The following CELF4 variants were observed in gnomAD, a reference collection of about 807,000 sequenced individuals.
The protein encoded by CELF4 is CUGBP Elav-like family member 4.
Under a neutral mutation model 59.9 loss-of-function variants are expected in CELF4, and 18 were observed. The ratio of observed to expected loss-of-function variants is 0.30; its 90% CI spans 0.21 to 0.45. CELF4 has a LOEUF of 0.45. Ranked by LOEUF, CELF4 falls within the 20% of genes least tolerant of loss-of-function variation. The pLI is 1.00. For synonymous variants in CELF4, 261 were observed against 267.1 expected (o/e 0.98, Z 0.22); for missense variants, 456 against 689.0 (o/e 0.66, Z 3.79).
chr18:37,433,602 C>A (rs532354410), intron 2 of CELF4, among the ~76,000 whole-genome samples: 1 of 152,152 alleles, frequency 6.6e-6, no homozygotes, highest in Admixed American at 6.5e-5. Flanking sequence ...AGTGCCAGGT[C>A]GGGGCCACGA....
intron 2 of CELF4, among the ~76,000 whole-genome samples, chr18:37,412,676 A>G (rs2099482873): frequency 6.6e-6 from 1 of 152,116 alleles, no homozygotes; most frequent in African/African-American, 2.4e-5. Flanking sequence ...AGATGAGTGC[A>G]TGTGTGTATG....
intron 1 of CELF4, among the ~76,000 whole-genome samples, chr18:37,516,698 A>G (rs1422789741): frequency 6.6e-6 from 1 of 152,186 alleles, no homozygotes; most frequent in Non-Finnish European, 1.5e-5. Flanking sequence ...CAGAAAGCCA[A>G]TTCAGAACCC....
chr18:37,439,350 C>G (rs922664274), intron 2 of CELF4, among the ~76,000 whole-genome samples: 1 of 152,114 alleles, frequency 6.6e-6, no homozygotes, highest in African/African-American at 2.4e-5. Flanking sequence ...ATTGAAAGTA[C>G]AACCAAATTA....
intron 2 of CELF4, among the ~76,000 whole-genome samples, chr18:37,441,333 C>T (rs1461981036): frequency 6.7e-6 from 1 of 148,510 alleles, no homozygotes; most frequent in African/African-American, 2.5e-5. Context: ...GAGATGGGAA[C>T]TGGGGAGCAG....
intron 2 of CELF4, among the ~76,000 whole-genome samples, chr18:37,407,957 T>A (rs186237248): frequency 6.6e-6 from 1 of 152,206 alleles, no homozygotes; most frequent in Admixed American, 6.5e-5. Flanking sequence ...TTTACATTGA[T>A]TTTGGGAAAA....
intron 2 of CELF4, among the ~76,000 whole-genome samples, chr18:37,328,120 T>A (rs1162602993): frequency 6.6e-6 from 1 of 152,150 alleles, no homozygotes; most frequent in Non-Finnish European, 1.5e-5. Flanking sequence ...CCCCTACTCA[T>A]GGATCCCCAG....
intron 1 of CELF4, among the ~76,000 whole-genome samples, chr18:37,496,865 A>G (rs919552765): frequency 2.0e-4 from 31 of 152,212 alleles, no homozygotes; most frequent in African/African-American, 7.5e-4. Flanking sequence ...AGGAGTTAGC[A>G]ACTGTGACTG....
chr18:37,497,666 A>C (rs2099926756), intron 1 of CELF4, among the ~76,000 whole-genome samples: 2 of 151,626 alleles, frequency 1.3e-5, no homozygotes, highest in South Asian at 4.2e-4. Context: ...AAAAAAAAAA[A>C]GAAAAAAGAA....
intron 3 of CELF4, among the ~76,000 whole-genome samples, chr18:37,278,516 G>A (rs1255308414): frequency 1.3e-5 from 2 of 152,124 alleles, no homozygotes; most frequent in East Asian, 1.9e-4. Context: ...TCCCCCTCCC[G>A]CTCCCCTGCT....
At chr18:37,481,692 A>T (rs1184557900) in intron 2 of CELF4, among the ~76,000 whole-genome samples, 1 of 152,186 alleles carries the variant, frequency 6.6e-6, no homozygotes, top group Non-Finnish European at 1.5e-5. Flanking sequence ...TTCTCGGACC[A>T]GTGCTCCCAT....
chr18:37,410,131 A>G (rs1557416765), intron 2 of CELF4, among the ~76,000 whole-genome samples: 1 of 152,094 alleles, frequency 6.6e-6, no homozygotes, highest in Non-Finnish European at 1.5e-5. Flanking sequence ...GCATGACAGG[A>G]AAAGGACAGA....
chr18:37,356,009 ACAGCC>A (rs930869240), intron 2 of CELF4, among the ~76,000 whole-genome samples: 1 of 152,152 alleles, frequency 6.6e-6, no homozygotes, highest in Non-Finnish European at 1.5e-5. Flanking sequence ...TCAGCCCAGC[ACAGCC>A]CAGCCCAGCC....
At chr18:37,496,244 A>G (rs535992472) in intron 1 of CELF4, among the ~76,000 whole-genome samples, 2 of 152,256 alleles carry the variant, frequency 1.3e-5, no homozygotes, top group East Asian at 1.9e-4. Context: ...TGCTGTTCTC[A>G]TCTGTGAGAA....
rs537594794 is a variant in CELF4, at chr18:37,319,051, G to T, written c.448+2752C>A. Among the ~76,000 whole-genome samples the T allele has an allele frequency of 2.0e-5, 3 of 152,188 alleles. No homozygotes were observed. The South Asian group carries it at 6.2e-4, about 32-fold the overall frequency. ...CCCCCGCCTGGGGGATCTCCTCTCC[G>T]GAACTGCTGCTGGCACCTACTATCC... On this transcript the variant is annotated intron_variant, in intron 3 of 12. Transcript: ENST00000420428.
At chr18:37,455,153 C>T (rs1034794530) in intron 2 of CELF4, among the ~76,000 whole-genome samples, 4 of 152,224 alleles carry the variant, frequency 2.6e-5, no homozygotes, top group African/African-American at 9.6e-5. Flanking sequence ...AAAACAGCAG[C>T]GCCTTCATTT....
intron 2 of CELF4, among the ~76,000 whole-genome samples, chr18:37,344,535 A>T (rs550198774): frequency 2.0e-5 from 3 of 152,252 alleles, no homozygotes; most frequent in Admixed American, 2.0e-4. Flanking sequence ...AGCAAGAGAA[A>T]CTACAGGTAG....
chr18:37,286,021 G>A (rs1310655435), intron 3 of CELF4, among the ~76,000 whole-genome samples: 1 of 152,000 alleles, frequency 6.6e-6, no homozygotes, highest in African/African-American at 2.4e-5. Flanking sequence ...TTTACATCAT[G>A]CGGGAGCATA....
intron 1 of CELF4, among the ~76,000 whole-genome samples, chr18:37,547,452 C>T (rs533916508): frequency 1.3e-5 from 2 of 152,188 alleles, no homozygotes; most frequent in African/African-American, 4.8e-5. Flanking sequence ...TCACAGGCCT[C>T]CCCTTACCTA....
At chr18:37,414,330 TCATC>T (rs1231260645) in intron 2 of CELF4, among the ~76,000 whole-genome samples, 2 of 151,490 alleles carry the variant, frequency 1.3e-5, no homozygotes, top group Non-Finnish European at 2.9e-5. Flanking sequence ...ATTCATTCTT[TCATC>T]CATCCATCTA....
Sources: allele counts gnomAD v4.1 joint callset (sites outside exome capture counted in the v4.1 genomes callset), GRCh38; gene constraint gnomAD v4.1.1; transcripts MANE v1.5; gene names NCBI Gene and HGNC (gene_info 2026-07-23, HGNC 2026-07-21).